Variants in CSMD1 observed in about 807,000 individuals in gnomAD.
CSMD1 encodes CUB and sushi domain-containing protein 1.
In CSMD1, 213 loss-of-function variants were observed where a neutral mutation model predicts 417.5. The observed-to-expected ratio is 0.51, with a 90% CI of 0.46 to 0.57. The LOEUF (loss-of-function observed/expected upper bound fraction) is 0.57, where lower values mean the gene tolerates loss of function less well. CSMD1 is among the 20% of genes least tolerant of loss of function. The pLI, the probability that CSMD1 is intolerant of heterozygous loss-of-function variation, is 0.00. For missense variants in CSMD1, 6,923 were observed against 4,529.7 expected (o/e 1.53, Z -15.17); for synonymous variants, 2,862 against 1,736.8 (o/e 1.65, Z -16.11).
chr8:3,914,433 A>G (rs183823547), intron 5 of CSMD1, among the ~76,000 whole-genome samples: 11 of 152,256 alleles, frequency 7.2e-5, no homozygotes, highest in African/African-American at 2.4e-4. Context: ...ACCATGTTCT[A>G]AATCTTCTAT....
intron 8 of CSMD1, among the ~76,000 whole-genome samples, chr8:3,616,294 T>C (rs1049123682): frequency 3.9e-5 from 6 of 151,948 alleles, no homozygotes; most frequent in African/African-American, 1.2e-4. Flanking sequence ...TGAGTTCTCA[T>C]GAGATCTGAT....
intron 3 of CSMD1, among the ~76,000 whole-genome samples, chr8:4,146,897 G>A (rs1274551490): frequency 6.9e-6 from 1 of 144,374 alleles, no homozygotes; most frequent in Non-Finnish European, 1.5e-5. Flanking sequence ...ACATGTGTGA[G>A]CCACCGCACC....
At chr8:4,860,081 T>TA (rs1046779792) in intron 1 of CSMD1, among the ~76,000 whole-genome samples, 7 of 151,392 alleles carry the variant, frequency 4.6e-5, no homozygotes, top group African/African-American at 9.8e-5. Flanking sequence ...TATGCAGCCA[T>TA]AAAAAAATGA....
chr8:3,204,291 C>A (rs1376393962), intron 31 of CSMD1, among the ~76,000 whole-genome samples: 2 of 151,846 alleles, frequency 1.3e-5, no homozygotes, highest in Non-Finnish European at 2.9e-5. Flanking sequence ...TAACTAAAAT[C>A]ATAGAATATG....
intron 3 of CSMD1, among the ~76,000 whole-genome samples, chr8:4,339,896 G>T (rs925781313): frequency 2.6e-5 from 4 of 151,992 alleles, no homozygotes; most frequent in Non-Finnish European, 5.9e-5. Context: ...ATGGTGGCAC[G>T]CACCAGTAGT....
intron 5 of CSMD1, among the ~76,000 whole-genome samples, chr8:3,809,962 C>G (rs929322089): frequency 2.0e-5 from 3 of 152,206 alleles, no homozygotes; most frequent in East Asian, 1.9e-4. Flanking sequence ...CAAGGGCCTT[C>G]CAACTTCTTT....
Position 2,957,260 on chromosome 8 carries a change from G to C in CSMD1, c.9814+436C>G, listed in dbSNP as rs146381478. Among the ~76,000 whole-genome samples, 1,088 of 152,256 alleles carry C rather than the reference G, an allele frequency of 7.1e-3. 11 individuals are homozygous for C. The highest frequency in any genetic ancestry group is 0.025 in the African/African-American group (1,044 of 41,552). Reference sequence around the variant, plus strand: ...AGACTCTGACATATGACGTTATTCAGTTCATCCTCTCTTTGGTAATTTGAT... The same window carrying C: ...AGACTCTGACATATGACGTTATTCACTTCATCCTCTCTTTGGTAATTTGAT... On this transcript the variant is annotated intron_variant, in intron 63 of 69. Transcript: ENST00000635120.
intron 3 of CSMD1, among the ~76,000 whole-genome samples, chr8:4,310,322 G>A (rs1798490671): frequency 6.6e-6 from 1 of 152,138 alleles, no homozygotes. Context: ...GAAGGGAAAA[G>A]GCCTCCACAC....
Position 4,152,919 on chromosome 8 carries a change from G to A in CSMD1, c.416-120820C>T, listed in dbSNP as rs142230293. 9.1e-3 allele frequency among the ~76,000 whole-genome samples: 1,390 copies of A among 152,156 alleles called. 10 individuals are homozygous for A. The highest frequency in any genetic ancestry group is 0.014 in the Non-Finnish European group (971 of 68,022). On this transcript the variant is annotated intron_variant, in intron 3 of 69. Coordinates refer to ENST00000635120, the MANE Select transcript of CSMD1 (RefSeq NM_033225.6). ...ATTTTTCTCAAAAACTTTATGAAAG[G>A]TGTATACTCTATCCTCTTCTCAAAA...
At chr8:4,700,826 A>T (rs1437831996) in intron 1 of CSMD1, among the ~76,000 whole-genome samples, 1 of 152,200 alleles carries the variant, frequency 6.6e-6, no homozygotes, top group Non-Finnish European at 1.5e-5. Context: ...GCATGAAAAA[A>T]AGGTAACAGC....
chr8:4,324,608 G>A (rs1002757195), intron 3 of CSMD1, among the ~76,000 whole-genome samples: 5 of 152,182 alleles, frequency 3.3e-5, no homozygotes, highest in African/African-American at 9.7e-5. Flanking sequence ...ACAGGTCAGT[G>A]GCCATTTATG....
At chr8:3,262,184 AATATATATATATAT>A (rs201972449) in intron 26 of CSMD1, among the ~76,000 whole-genome samples, 76 of 63,174 alleles carry the variant, frequency 1.2e-3, no homozygotes, top group African/African-American at 4.3e-3. Context: ...TGCTCATATG[AATATATATATATAT>A]ATATATATAT....
intron 41 of CSMD1, among the ~76,000 whole-genome samples, chr8:3,135,754 T>G (rs140792845): frequency 2.0e-5 from 3 of 152,332 alleles, no homozygotes; most frequent in African/African-American, 4.8e-5. Flanking sequence ...ACATAGTCTC[T>G]GTCCACCTGG....
chr8:3,596,165 G>A (rs576056087), intron 8 of CSMD1, among the ~76,000 whole-genome samples: 11 of 152,304 alleles, frequency 7.2e-5, no homozygotes, highest in Admixed American at 7.2e-4. Context: ...GTCGGAGGCA[G>A]AGACATGGGA....
intron 1 of CSMD1, among the ~76,000 whole-genome samples, chr8:4,872,307 T>C (rs1156850388): frequency 6.6e-6 from 1 of 152,048 alleles, no homozygotes; most frequent in Non-Finnish European, 1.5e-5. Context: ...CCCACCCAAA[T>C]CTCATCTTGA....
chr8:3,776,463 A>C (rs981706855), intron 5 of CSMD1, among the ~76,000 whole-genome samples: 1 of 152,068 alleles, frequency 6.6e-6, no homozygotes, highest in Admixed American at 6.5e-5. Flanking sequence ...TTCTACTCAC[A>C]CACCTAGCTG....
chr8:3,396,248 G>C lies in CSMD1; in HGVS notation c.2539C>G (p.Leu847Val). Residue 847 changes from leucine to valine, a missense_variant, in exon 17 of 70, where the codon CTG (leucine) becomes GTG (valine). Leu to Val is a conservative substitution (Grantham distance 32, BLOSUM62 1). Transcript: ENST00000635120. ...LISTGNFMYL[L>V]FTTDNSRSSI... ...GAGCGGCTGTTGTCAGTGGTGAACA[G>C]CAGGTACATGAAGTTCCCGGTGCTG... The C allele has an allele frequency of 6.3e-7, 1 of 1,579,296 alleles. No homozygotes were observed. The highest frequency in any genetic ancestry group is 1.3e-5 in the African/African-American group (1 of 74,380).
At chr8:4,178,222 C>G (rs1043866357) in intron 3 of CSMD1, among the ~76,000 whole-genome samples, 1 of 152,136 alleles carries the variant, frequency 6.6e-6, no homozygotes, top group African/African-American at 2.4e-5. Context: ...CATCAAAAAG[C>G]TAATCCACTA....
At chr8:4,252,441 G>C (rs1803144592) in intron 3 of CSMD1, among the ~76,000 whole-genome samples, 1 of 152,172 alleles carries the variant, frequency 6.6e-6, no homozygotes, top group African/African-American at 2.4e-5. Context: ...AACTCGAGGG[G>C]ACCTGAATGA....
Sources: allele counts gnomAD v4.1 joint callset (sites outside exome capture counted in the v4.1 genomes callset), GRCh38; gene constraint gnomAD v4.1.1; transcripts MANE v1.5; gene names NCBI Gene and HGNC (gene_info 2026-07-23, HGNC 2026-07-21).